ZNF407: variants seen among roughly 807,000 people sequenced by gnomAD.
ZNF407 encodes zinc finger protein 407.
ZNF407 carries 17 observed loss-of-function variants against 131.2 expected under a neutral mutation model. That is an observed-to-expected ratio of 0.13 (90% CI 0.09 to 0.19). The LOEUF is 0.19. Ranked by LOEUF, ZNF407 falls within the 10% of genes least tolerant of loss-of-function variation. ZNF407 has a pLI of 1.00. For missense variants in ZNF407, 2,681 were observed against 2,830.6 expected, an observed-to-expected ratio of 0.95 and a Z score of 1.20; for synonymous variants, 1,156 against 1,062.0, an observed-to-expected ratio of 1.09 and a Z score of -1.72.
intron 3 of ZNF407, among the ~76,000 whole-genome samples, chr18:74,722,273 G>T (rs993756794): frequency 5.3e-5 from 8 of 151,820 alleles, no homozygotes; most frequent in Admixed American, 2.6e-4. Flanking sequence ...TTTTCCATAG[G>T]TCTCTCCGGC....
chr18:74,781,664 A>T (rs1364163580), intron 4 of ZNF407, among the ~76,000 whole-genome samples, 162 bp downstream of exon 4: 1 of 152,070 alleles, frequency 6.6e-6, no homozygotes, highest in East Asian at 1.9e-4. Context: ...ATCGTTTCAC[A>T]AAAATTTAAC....
At chr18:74,888,261 G>A (rs1304584564) in intron 6 of ZNF407, among the ~76,000 whole-genome samples, 1 of 151,392 alleles carries the variant, frequency 6.6e-6, no homozygotes, top group Non-Finnish European at 1.5e-5. Context: ...AGGGGAGTGA[G>A]GTATTCTCTA....
intron 8 of ZNF407, among the ~76,000 whole-genome samples, chr18:75,053,561 C>A (rs1336037976): frequency 6.6e-6 from 1 of 152,102 alleles, no homozygotes; most frequent in Non-Finnish European, 1.5e-5. Context: ...TTTTGTTAAG[C>A]TTTATTATCC....
chr18:74,672,036 CT>C (rs1301299922), intron 3 of ZNF407, among the ~76,000 whole-genome samples: 13 of 152,096 alleles, frequency 8.5e-5, no homozygotes, highest in African/African-American at 3.1e-4. Flanking sequence ...GGGCATGTGT[CT>C]TTATGGTAGA....
intron 7 of ZNF407, among the ~76,000 whole-genome samples, chr18:74,903,390 C>T (rs1262563194): frequency 6.6e-6 from 1 of 152,070 alleles, no homozygotes; most frequent in Non-Finnish European, 1.5e-5. Flanking sequence ...GTATTTCAAG[C>T]CAAAGTTGTA....
At chr18:74,844,015 A>G (rs1568238272) in intron 4 of ZNF407, among the ~76,000 whole-genome samples, 1 of 152,208 alleles carries the variant, frequency 6.6e-6, no homozygotes, top group Non-Finnish European at 1.5e-5. Context: ...AAAGTGTTGA[A>G]TTTCAGGAAA....
intron 8 of ZNF407, among the ~76,000 whole-genome samples, chr18:75,033,399 C>T (rs1973269155): frequency 6.6e-6 from 1 of 152,178 alleles, no homozygotes; most frequent in Admixed American, 6.5e-5. Context: ...TTGTTTTCTC[C>T]TGGGCGAAAA....
At chr18:74,888,084 T>C (rs1261468945) in intron 6 of ZNF407, among the ~76,000 whole-genome samples, 1 of 152,186 alleles carries the variant, frequency 6.6e-6, no homozygotes, top group South Asian at 2.1e-4. Flanking sequence ...ATTTTACTCC[T>C]CATTTTCTAA....
At chr18:74,873,129 G>C (rs72977466) in intron 4 of ZNF407, among the ~76,000 whole-genome samples, 15,503 of 152,136 alleles carry the variant, frequency 0.1, 1,009 homozygotes, top group Middle Eastern at 0.24. Context: ...GTTTCTCTGA[G>C]GCCAAAATAT....
chr18:74,612,691 T>G (rs2144622132), intron 1 of ZNF407, among the ~76,000 whole-genome samples: 1 of 152,316 alleles, frequency 6.6e-6, no homozygotes, highest in Admixed American at 6.5e-5. Flanking sequence ...TATATGCCAT[T>G]AAATGAATGA....
intron 4 of ZNF407, among the ~76,000 whole-genome samples, chr18:74,839,536 C>T (rs952960521): frequency 7.2e-5 from 11 of 152,156 alleles, no homozygotes; most frequent in Non-Finnish European, 8.8e-5. Context: ...GAGAATGTCC[C>T]TCTCTTCAAG....
In ZNF407 at chr18:74,774,506, C is replaced by T. The variant is rs565582963; in HGVS notation, c.4803-6922C>T. ...TTAGCATAATGGAATGTGAACCTGA[C>T]GTTACTTTTATCCTGATACTATGTA... On this transcript the variant is annotated intron_variant, in intron 3 of 8. Transcript: ENST00000299687. Among the ~76,000 whole-genome samples the T allele has an allele frequency of 5.9e-5, 9 of 152,234 alleles. No individual in the cohort carries two copies. In the South Asian group the frequency reaches 6.2e-4, roughly 11 times the overall value.
At chr18:74,886,914 G>A (rs758295821) in intron 6 of ZNF407, among the ~76,000 whole-genome samples, 6 of 152,022 alleles carry the variant, frequency 3.9e-5, no homozygotes, top group Non-Finnish European at 7.4e-5. Context: ...GGCCTCATAC[G>A]GCCAGTCTAG....
chr18:74,598,825 C>T (rs764237428), intron 1 of ZNF407, among the ~76,000 whole-genome samples: 47 of 152,336 alleles, frequency 3.1e-4, no homozygotes, highest in Admixed American at 2.2e-3. Flanking sequence ...CTGGTGGAGG[C>T]GGGGTGCAGT....
chr18:74,817,887 G>A (rs577232313), intron 4 of ZNF407, among the ~76,000 whole-genome samples: 265 of 152,284 alleles, frequency 1.7e-3, no homozygotes, highest in Middle Eastern at 0.014. Flanking sequence ...GCCAATGATA[G>A]GTTCTAAAGC....
At chr18:74,797,657 C>T (rs758846028) in intron 4 of ZNF407, among the ~76,000 whole-genome samples, 1 of 152,158 alleles carries the variant, frequency 6.6e-6, no homozygotes, top group African/African-American at 2.4e-5. Flanking sequence ...TATTAATTGA[C>T]AGTAATTTTG....
At chr18:74,822,144 C>A (rs1970349531) in intron 4 of ZNF407, among the ~76,000 whole-genome samples, 1 of 151,856 alleles carries the variant, frequency 6.6e-6, no homozygotes, top group African/African-American at 2.4e-5. Context: ...AATTTAAGTT[C>A]TTTGTAGATT....
At chr18:74,888,569 T>A (rs2145194191) in intron 6 of ZNF407, among the ~76,000 whole-genome samples, 1 of 152,350 alleles carries the variant, frequency 6.6e-6, no homozygotes, top group South Asian at 2.1e-4. Context: ...TTGATAAAAG[T>A]TACACTTCAA....
chr18:74,743,084 G>A (rs560184538), intron 3 of ZNF407, among the ~76,000 whole-genome samples: 1 of 152,214 alleles, frequency 6.6e-6, no homozygotes, highest in Admixed American at 6.5e-5. Flanking sequence ...GTGAAGATTT[G>A]CTTTACATTT....
Sources: gnomAD v4.1 joint callset for allele counts (sites outside exome capture counted in the v4.1 genomes callset) on GRCh38, gnomAD v4.1.1 for gene constraint, MANE v1.5 for transcripts, NCBI Gene and HGNC (gene_info 2026-07-23, HGNC 2026-07-21) for gene names.